The following PARP9 variants were observed in gnomAD, a reference collection of about 807,000 sequenced individuals.
PARP9 encodes poly(ADP-ribose) polymerase family member 9, also known as protein mono-ADP-ribosyltransferase PARP9.
In PARP9, 48 loss-of-function variants were observed where a neutral mutation model predicts 68.8. The observed-to-expected ratio is 0.70, with a 90% CI of 0.55 to 0.89. The LOEUF is 0.89. Ranked by LOEUF, PARP9 falls within the 40% of genes least tolerant of loss-of-function variation. The pLI is 0.00. For missense variants in PARP9, 806 were observed against 969.3 expected (o/e 0.83, Z 2.24); for synonymous variants, 309 against 333.8 (o/e 0.93, Z 0.81).
At chr3:122,536,624 T>C (rs982232736) in intron 9 of PARP9, 6 of 544,976 alleles carry the variant, frequency 1.1e-5, no homozygotes, top group African/African-American at 9.5e-5. Flanking sequence ...TTTAGTGAGA[T>C]AGAAAAATAG....
At chr3:122,543,710 T>C (rs1207213817) in intron 7 of PARP9, among the ~76,000 whole-genome samples, 1 of 152,202 alleles carries the variant, frequency 6.6e-6, no homozygotes, top group African/African-American at 2.4e-5. Flanking sequence ...TCCCCGGGCT[T>C]AGGTGATCCT....
chr3:122,534,091 G>A, intron 10 of PARP9: 1 of 980,772 alleles, frequency 1.0e-6, no homozygotes, highest in Non-Finnish European at 1.2e-6. Flanking sequence ...CTAAGGGATA[G>A]GGAGAAGGGC....
Position 122,555,301 on chromosome 3 carries a change from G to T in PARP9, c.870C>A (p.His290Gln). 6.2e-7 allele frequency: 1 copy of T among 1,609,310 alleles called. No homozygotes were observed. The highest frequency in any genetic ancestry group is 8.5e-7 in the Non-Finnish European group (1 of 1,177,562). Residue 290 changes from histidine (H) to glutamine (Q), a missense_variant, in exon 4 of 11, where the codon CAC (histidine) becomes CAA (glutamine). Physicochemically the swap from His to Gln is conservative, Grantham distance 24 (BLOSUM62 0). Around this residue, in one of 2 missense-constraint regions of PARP9, gnomAD observed 680 missense variants for 858.8 expected, o/e 0.79. Transcript: ENST00000682323. ...NNLTLQIVQG[H>Q]IEWQTADVIV... ...AAAGACTTACCGTCTGCCATTCAAT[G>T]TGGCCCTGGACAATCTGGAGGGTCA...
At chr3:122,534,362 A>G (rs2077495805) in intron 10 of PARP9, 1 of 985,304 alleles carries the variant, frequency 1.0e-6, no homozygotes, top group African/African-American at 1.7e-5. Flanking sequence ...ACAATATATA[A>G]GGAAGATTTT....
At chr3:122,548,115 T>G (rs950596895) in intron 6 of PARP9, among the ~76,000 whole-genome samples, 1 of 152,192 alleles carries the variant, frequency 6.6e-6, no homozygotes, top group Non-Finnish European at 1.5e-5. Context: ...AAATCTGTTT[T>G]CAGTGATGTC....
intron 7 of PARP9, among the ~76,000 whole-genome samples, chr3:122,545,228 T>C (rs1210994388): frequency 6.6e-6 from 1 of 152,140 alleles, no homozygotes; most frequent in Non-Finnish European, 1.5e-5. Context: ...AACTCAACCT[T>C]CCTCTGTTCA....
intron 5 of PARP9, among the ~76,000 whole-genome samples, chr3:122,551,273 CAACT>C (rs2079180854): frequency 1.3e-5 from 2 of 152,018 alleles, no homozygotes; most frequent in Non-Finnish European, 1.5e-5. Context: ...AAATTTCTAC[CAACT>C]GTTAACATCA....
intron 10 of PARP9, among the ~76,000 whole-genome samples, chr3:122,529,716 T>C (rs1444581543): frequency 1.4e-5 from 2 of 144,888 alleles, no homozygotes; most frequent in Admixed American, 1.4e-4. Context: ...GTTGCGCCAC[T>C]GCACTCCAGC....
At position 122,555,819 on chromosome 3, in the gene PARP9, G is replaced by C. The variant is rs755970906; in HGVS notation, c.352C>G (p.Leu118Val). The change falls in exon 4 of 11, where the codon CTG becomes GTG. Residue 118 changes from leucine (L) to valine (V), a missense_variant. Leu to Val is a conservative substitution (Grantham distance 32). Transcript: ENST00000682323. ...ATTTCAAATCCACCAGCTTTTACCA[G>C]GGCCAGGGCCAGGCCTCCCCCATGC... ...LLHGGGLALALVKAGGFEIQE... is the reference protein window; with the variant it reads ...LLHGGGLALAVVKAGGFEIQE... 2.5e-6 allele frequency: 4 copies of C among 1,613,812 alleles called. No individual in the cohort carries two copies. Among genetic ancestry groups the C allele is most frequent in the Admixed American group, 1.7e-5 (1 of 59,974 alleles).
At chr3:122,546,762 T>C (rs1254519198) in intron 6 of PARP9, among the ~76,000 whole-genome samples, 1 of 151,952 alleles carries the variant, frequency 6.6e-6, no homozygotes, top group Non-Finnish European at 1.5e-5. Flanking sequence ...TTCTGTTTAA[T>C]GGTTCAGAAC....
intron 1 of PARP9, chr3:122,564,006 G>A (rs995033147): frequency 1.8e-5 from 3 of 164,198 alleles, no homozygotes; most frequent in Non-Finnish European, 3.9e-5. Flanking sequence ...TTCAAAAATG[G>A]GTAAGTTTAA....
intron 2 of PARP9, among the ~76,000 whole-genome samples, chr3:122,559,354 A>C (rs568819812): frequency 7.2e-5 from 11 of 152,362 alleles, no homozygotes; most frequent in Middle Eastern, 3.4e-3. Context: ...GAAAAAGCAG[A>C]ATCACTAAAT....
At chr3:122,547,225 G>A (rs773384626) in intron 6 of PARP9, among the ~76,000 whole-genome samples, 13 of 149,938 alleles carry the variant, frequency 8.7e-5, no homozygotes, top group Non-Finnish European at 1.6e-4. Flanking sequence ...CTCCCAAGGA[G>A]CTGGGATTAC....
At position 122,536,321 on chromosome 3, in the gene PARP9, C is replaced by T; in HGVS notation, c.1927G>A (p.Val643Ile). 1.9e-6 allele frequency: 3 copies of T among 1,614,096 alleles called. No individual in the cohort carries two copies. Among genetic ancestry groups the T allele is most frequent in the Non-Finnish European group, 2.5e-6 (3 of 1,180,010 alleles). Residue 643 changes from valine (V) to isoleucine (I), a missense_variant, in exon 10 of 11, where the codon GTC becomes ATC. Around this residue, in one of 2 missense-constraint regions of PARP9, gnomAD observed 680 missense variants for 858.8 expected, o/e 0.79. Transcript: ENST00000682323. The part of the protein sequence containing the change: ...VLKVEKIDNE[V>I]LMAAFQRKKK... ...TTTCTTTGAAAGGCAGCCATAAGGACCTCATTGTCTATCTTCTCCACCTAG... is the reference window on the plus strand; with the variant it reads ...TTTCTTTGAAAGGCAGCCATAAGGATCTCATTGTCTATCTTCTCCACCTAG...
intron 1 of PARP9, among the ~76,000 whole-genome samples, chr3:122,563,811 G>A (rs987859484): frequency 1.3e-5 from 2 of 152,008 alleles, no homozygotes; most frequent in Admixed American, 1.3e-4. Flanking sequence ...TCACAGGTCC[G>A]CCTCCCCTCA....
At chr3:122,559,755 T>C (rs1010094938) in intron 1 of PARP9, 46 bp from the exon 2 acceptor site, 1 of 806,596 alleles carries the variant, frequency 1.2e-6, no homozygotes, top group Non-Finnish European at 1.9e-6. Context: ...GCCAGAATCT[T>C]AGGAAATTCG....
At position 122,540,589 on chromosome 3, in the gene PARP9, C is replaced by A. The variant is rs1166194460; in HGVS notation, c.1648G>T (p.Glu550Ter). ...EIISPGRTEL[E>*]IEGARADLIE... ...AGGTCAGCCCGGGCTCCTTCAATCT[C>A]TAACTCTGTCCTTCCTGGGCTGATA... is the stretch of plus-strand genomic sequence containing the variant. Residue 550 changes from glutamate to a stop codon, truncating the protein, a stop_gained, in exon 8 of 11, where the codon GAG (glutamate) becomes TAG (stop). Transcript: ENST00000682323. LOFTEE classifies it high-confidence loss of function. 1 of 1,614,186 alleles carries A rather than the reference C, an allele frequency of 6.2e-7. No individual in the cohort carries two copies. Among genetic ancestry groups the A allele is most frequent in the East Asian group, 2.2e-5 (1 of 44,888 alleles).
intron 10 of PARP9, among the ~76,000 whole-genome samples, chr3:122,529,574 C>T (rs886842221): frequency 6.6e-6 from 1 of 151,440 alleles, no homozygotes; most frequent in African/African-American, 2.4e-5. Context: ...CACGGTGAAA[C>T]CCCGTCTCTA....
At chr3:122,542,041 C>T (rs1374376715) in intron 7 of PARP9, among the ~76,000 whole-genome samples, 2 of 152,026 alleles carry the variant, frequency 1.3e-5, no homozygotes, top group Non-Finnish European at 2.9e-5. Context: ...TAAGAAGTAA[C>T]CCAGGTTTTA....
Sources: allele counts gnomAD v4.1 joint callset (sites outside exome capture counted in the v4.1 genomes callset), GRCh38; gene constraint gnomAD v4.1.1; regional missense constraint gnomAD v4.1.1; transcripts MANE v1.5; gene names NCBI Gene and HGNC (gene_info 2026-07-23, HGNC 2026-07-21).